PKP4: variants seen among roughly 807,000 people sequenced by gnomAD.
PKP4 encodes the protein plakophilin-4.
In PKP4, 90 loss-of-function variants were observed where a neutral mutation model predicts 145.1. That is an observed-to-expected ratio of 0.62 (90% CI 0.52 to 0.74). The LOEUF (loss-of-function observed/expected upper bound fraction) is 0.74. Among genes scored for constraint, PKP4 ranks in the 30% least tolerant of loss-of-function variants. The probability of loss-of-function intolerance (pLI) is 0.00; values close to 1 mark genes in which losing one functional copy is unlikely to be tolerated. For synonymous variants in PKP4, 563 were observed against 577.2 expected, an observed-to-expected ratio of 0.98 and a Z score of 0.35; for missense variants, 1,340 against 1,482.7, an observed-to-expected ratio of 0.90 and a Z score of 1.58.
chr2:158,475,800 A>G (rs1339235094), intron 1 of PKP4, among the ~76,000 whole-genome samples: 1 of 152,198 alleles, frequency 6.6e-6, no homozygotes, highest in Non-Finnish European at 1.5e-5. Flanking sequence ...CCTATCTCCC[A>G]TATCCACCTA....
At chr2:158,557,192 TTTG>T (rs2046168671) in intron 2 of PKP4, among the ~76,000 whole-genome samples, 1 of 152,144 alleles carries the variant, frequency 6.6e-6, no homozygotes, top group Non-Finnish European at 1.5e-5. Context: ...TATTCACACT[TTTG>T]ATATGCATAG....
chr2:158,580,979 A>G (rs775772851), intron 3 of PKP4, among the ~76,000 whole-genome samples: 1 of 152,208 alleles, frequency 6.6e-6, no homozygotes, highest in Non-Finnish European at 1.5e-5. Context: ...GCGCTCAGCA[A>G]GTGGGCACCC....
At chr2:158,557,927 G>A (rs1168228702) in intron 2 of PKP4, among the ~76,000 whole-genome samples, 2 of 152,146 alleles carry the variant, frequency 1.3e-5, no homozygotes, top group African/African-American at 4.8e-5. Context: ...TCCCCAAGAA[G>A]AGACCCATTA....
intron 11 of PKP4, among the ~76,000 whole-genome samples, chr2:158,647,994 AC>A (rs1368535851): frequency 6.6e-6 from 1 of 152,180 alleles, no homozygotes; most frequent in Non-Finnish European, 1.5e-5. Context: ...CCTCCTGAAA[AC>A]ATCATTTTTT....
At chr2:158,546,515 AAAC>A (rs2045055860) in intron 2 of PKP4, among the ~76,000 whole-genome samples, 1 of 152,222 alleles carries the variant, frequency 6.6e-6, no homozygotes, top group African/African-American at 2.4e-5. Flanking sequence ...CACAGGAAAG[AAAC>A]GTGAAATTTT....
At chr2:158,478,391 C>T (rs1419532219) in intron 1 of PKP4, among the ~76,000 whole-genome samples, 3 of 151,832 alleles carry the variant, frequency 2.0e-5, no homozygotes, top group Non-Finnish European at 2.9e-5. Flanking sequence ...TTAGACTATG[C>T]CGATAGTAGT....
intron 2 of PKP4, among the ~76,000 whole-genome samples, chr2:158,555,078 A>G (rs973264478): frequency 6.6e-6 from 1 of 152,194 alleles, no homozygotes; most frequent in African/African-American, 2.4e-5. Context: ...GTGAAATGAT[A>G]TTTTCTAATT....
intron 2 of PKP4, among the ~76,000 whole-genome samples, chr2:158,561,280 C>T (rs1431890560): frequency 6.6e-6 from 1 of 152,178 alleles, no homozygotes; most frequent in Non-Finnish European, 1.5e-5. Flanking sequence ...TGTATCTGGC[C>T]TTTTCTAGAA....
chr2:158,606,439 A>T lies in PKP4; in HGVS notation c.280+3335A>T, dbSNP rs79951696. ...ATAGCCGTCCTAGTGGGTGTGAAGTAATTTGTTGTATTTTAACCTTACCAA... is the reference window on the plus strand; with the variant it reads ...ATAGCCGTCCTAGTGGGTGTGAAGTTATTTGTTGTATTTTAACCTTACCAA... On this transcript the variant is annotated intron_variant, in intron 4 of 21. Transcript: ENST00000389759. 4.8e-3 allele frequency among the ~76,000 whole-genome samples: 733 copies of T among 152,260 alleles called. 2 individuals are homozygous for T. The highest frequency in any genetic ancestry group is 0.016 in the African/African-American group (669 of 41,538).
Position 158,588,446 on chromosome 2 carries a change from T to G in PKP4, c.245+11063T>G, listed in dbSNP as rs148887691. The stretch of plus-strand genomic sequence containing the variant: ...AATTACTGTTGGGGTTGAATATGTT[T>G]TCATATGCTATGGTCCATTTGAGTG... On this transcript the variant is annotated intron_variant, in intron 3 of 21. Transcript: ENST00000389759. Among the ~76,000 whole-genome samples, 728 of 152,290 alleles carry G rather than the reference T, an allele frequency of 4.8e-3. 1 individual carries two copies. The highest frequency in any genetic ancestry group is 0.016 in the African/African-American group (666 of 41,562).
chr2:158,471,825 A>G lies in PKP4; in HGVS notation c.-6+14607A>G, dbSNP rs147691780. On this transcript the variant is annotated intron_variant, in intron 1 of 21. Coordinates refer to ENST00000389759, the MANE Select transcript of PKP4 (RefSeq NM_003628.6). Reference sequence around the variant, plus strand: ...TTTAGATACCTCATTAAACTTAACAATGGCATTTAAACACTTCTGATTATT... The same window carrying G: ...TTTAGATACCTCATTAAACTTAACAGTGGCATTTAAACACTTCTGATTATT... Among the ~76,000 whole-genome samples the G allele has an allele frequency of 2.5e-3, 382 of 152,348 alleles. 2 individuals carry two copies. The highest frequency in any genetic ancestry group is 8.8e-3 in the African/African-American group (365 of 41,586).
At chr2:158,471,592 A>G (rs1573964724) in intron 1 of PKP4, among the ~76,000 whole-genome samples, 1 of 152,264 alleles carries the variant, frequency 6.6e-6, no homozygotes, top group Non-Finnish European at 1.5e-5. Flanking sequence ...GAGAGAAGAC[A>G]TACTGGAAGT....
chr2:158,677,553 G>A (rs531069826), intron 20 of PKP4, among the ~76,000 whole-genome samples: 2 of 152,152 alleles, frequency 1.3e-5, no homozygotes, highest in Non-Finnish European at 2.9e-5. Flanking sequence ...AAATAAGTCA[G>A]TGTGAGCTAC....
chr2:158,559,616 A>G (rs1336800833), intron 2 of PKP4, among the ~76,000 whole-genome samples: 1 of 152,166 alleles, frequency 6.6e-6, no homozygotes, highest in Non-Finnish European at 1.5e-5. Flanking sequence ...GAAGACAGTT[A>G]TGGAAGTAAG....
chr2:158,487,982 C>T (rs1187150759), intron 1 of PKP4, among the ~76,000 whole-genome samples: 2 of 152,150 alleles, frequency 1.3e-5, no homozygotes, highest in African/African-American at 4.8e-5. Flanking sequence ...TTCGTTTCTT[C>T]AGTTGTGGAA....
intron 3 of PKP4, among the ~76,000 whole-genome samples, chr2:158,580,717 A>G (rs1403980989): frequency 6.6e-6 from 1 of 152,208 alleles, no homozygotes; most frequent in Non-Finnish European, 1.5e-5. Context: ...GGGTTTCTTC[A>G]TTCAGTGATC....
chr2:158,626,843 C>T (rs1008749016), intron 7 of PKP4, among the ~76,000 whole-genome samples: 12 of 152,212 alleles, frequency 7.9e-5, no homozygotes, highest in South Asian at 2.1e-4. Flanking sequence ...TTTTATAATT[C>T]GTGAAAGCTT....
chr2:158,521,691 C>T (rs998878247), intron 1 of PKP4, among the ~76,000 whole-genome samples: 1 of 152,120 alleles, frequency 6.6e-6, no homozygotes, highest in Non-Finnish European at 1.5e-5. Flanking sequence ...ATTCTAGACT[C>T]GATACCATAT....
intron 1 of PKP4, among the ~76,000 whole-genome samples, chr2:158,495,059 A>C (rs1695481379): frequency 6.6e-6 from 1 of 151,976 alleles, no homozygotes; most frequent in Non-Finnish European, 1.5e-5. Context: ...TCTACTAAAA[A>C]TACAAAAAAT....
Sources: gnomAD v4.1 joint callset for allele counts (sites outside exome capture counted in the v4.1 genomes callset) on GRCh38, gnomAD v4.1.1 for gene constraint, MANE v1.5 for transcripts, NCBI Gene and HGNC (gene_info 2026-07-23, HGNC 2026-07-21) for gene names.